Variants in NARS2 observed in about 807,000 individuals in gnomAD.
NARS2 encodes the protein asparaginyl-tRNA synthetase 2, mitochondrial, also known as asparaginyl-tRNA synthetase.
A neutral mutation model predicts 62.9 loss-of-function variants in NARS2; 60 were observed. That is an observed-to-expected ratio of 0.95 (90% CI 0.77 to 1.18). The LOEUF (loss-of-function observed/expected upper bound fraction) is 1.18, where lower values mean the gene tolerates loss of function less well. Among genes scored for constraint, NARS2 ranks in the 50% most tolerant of loss-of-function variants. The pLI is 0.00. For missense variants in NARS2, 619 were observed against 576.4 expected (o/e 1.07, Z -0.76); for synonymous variants, 196 against 200.0 (o/e 0.98, Z 0.17).
chr11:78,465,785 G>A, intron 11 of NARS2, 91 bp downstream of exon 11: 5 of 1,375,470 alleles, frequency 3.6e-6, no homozygotes, highest in South Asian at 1.2e-5. Context: ...GAGATAGAGT[G>A]ATAGATGACA....
intron 1 of NARS2, 97 bp downstream of exon 1, chr11:78,574,251 G>C: frequency 6.7e-7 from 1 of 1,497,042 alleles, no homozygotes; most frequent in Non-Finnish European, 9.3e-7. Context: ...CCCTGCTGGC[G>C]GTTGTGTCTG....
chr11:78,498,609 C>G (rs963842959), intron 6 of NARS2, among the ~76,000 whole-genome samples: 2 of 151,882 alleles, frequency 1.3e-5, no homozygotes, highest in South Asian at 2.1e-4. Context: ...ATGTCTCCCC[C>G]CAGCTTCCAC....
intron 5 of NARS2, among the ~76,000 whole-genome samples, chr11:78,542,817 T>C (rs1172071218): frequency 6.6e-6 from 1 of 151,866 alleles, no homozygotes; most frequent in African/African-American, 2.4e-5. Flanking sequence ...GTGGATCACT[T>C]GAGCTCAGGA....
intron 6 of NARS2, among the ~76,000 whole-genome samples, chr11:78,510,867 C>G (rs917065196): frequency 6.6e-6 from 1 of 152,098 alleles, no homozygotes; most frequent in African/African-American, 2.4e-5. Context: ...GGATAAATCT[C>G]AAAAGCATTA....
At chr11:78,447,533 G>A (rs1241165479) in intron 11 of NARS2, among the ~76,000 whole-genome samples, 2 of 151,984 alleles carry the variant, frequency 1.3e-5, no homozygotes, top group Non-Finnish European at 2.9e-5. Context: ...GTATATTGGT[G>A]GTGATATCTG....
chr11:78,566,009 G>T, intron 4 of NARS2, 123 bp downstream of exon 4: 1 of 745,300 alleles, frequency 1.3e-6, no homozygotes, highest in Non-Finnish European at 2.1e-6. Flanking sequence ...CCATAATGAA[G>T]AGACCAATCA....
chr11:78,496,404 T>A (rs777524499), intron 6 of NARS2, among the ~76,000 whole-genome samples: 1 of 152,186 alleles, frequency 6.6e-6, no homozygotes, highest in African/African-American at 2.4e-5. Flanking sequence ...AGTCTACGTA[T>A]GTATTAATAC....
intron 6 of NARS2, among the ~76,000 whole-genome samples, chr11:78,503,087 T>C (rs1860348390): frequency 6.6e-6 from 1 of 151,912 alleles, no homozygotes; most frequent in Non-Finnish European, 1.5e-5. Flanking sequence ...AGAGAGGTGA[T>C]TTCATTCCAT....
intron 9 of NARS2, among the ~76,000 whole-genome samples, chr11:78,474,903 A>G (rs1859022933): frequency 6.6e-6 from 1 of 151,082 alleles, no homozygotes; most frequent in Non-Finnish European, 1.5e-5. Context: ...ATCGTCTCAC[A>G]TGCTTCACTT....
intron 7 of NARS2, among the ~76,000 whole-genome samples, chr11:78,484,487 C>T (rs1257170875): frequency 1.3e-5 from 2 of 151,940 alleles, no homozygotes; most frequent in African/African-American, 2.4e-5. Flanking sequence ...TGCAATCTAC[C>T]CGTCTGACAA....
At chr11:78,499,300 C>A (rs1185661425) in intron 6 of NARS2, among the ~76,000 whole-genome samples, 1 of 151,972 alleles carries the variant, frequency 6.6e-6, no homozygotes, top group Non-Finnish European at 1.5e-5. Context: ...ATATGCTGAT[C>A]CCCAAATTGC....
intron 3 of NARS2, among the ~76,000 whole-genome samples, chr11:78,567,294 A>G (rs993912472): frequency 6.6e-6 from 1 of 152,236 alleles, no homozygotes; most frequent in Non-Finnish European, 1.5e-5. Context: ...ATGGCCAGGT[A>G]GTGTATAAAG....
chr11:78,496,230 C>T (rs545819189), intron 6 of NARS2, among the ~76,000 whole-genome samples: 7 of 152,028 alleles, frequency 4.6e-5, no homozygotes, highest in African/African-American at 1.7e-4. Context: ...ATAATGATCA[C>T]CCTATGTCAG....
At chr11:78,486,154 A>C (rs6592778) in intron 7 of NARS2, among the ~76,000 whole-genome samples, 48,410 of 151,918 alleles carry the variant, frequency 0.32, 9,578 homozygotes, top group African/African-American at 0.55. Context: ...GGATTACAGG[A>C]GTGAGCCACT....
At chr11:78,448,714 C>T (rs1434012254) in intron 11 of NARS2, among the ~76,000 whole-genome samples, 4 of 152,120 alleles carry the variant, frequency 2.6e-5, no homozygotes, top group East Asian at 3.9e-4. Context: ...ATGGAATAAC[C>T]GGAAGGAGGT....
rs1226120347 is a variant in NARS2, at chr11:78,574,775, C to T, written c.-287G>A. On this transcript the variant is annotated 5_prime_UTR_variant, in exon 1 of 14. Transcript: ENST00000281038. Reference sequence around the variant, plus strand: ...AGCTGGGGCGCCCCACTACCCGCGACAATTGTAAACCTACGAACAGAACCC... The same window carrying T: ...AGCTGGGGCGCCCCACTACCCGCGATAATTGTAAACCTACGAACAGAACCC... 2.4e-6 allele frequency: 1 copy of T among 416,472 alleles called. No homozygotes were observed. The highest frequency in any genetic ancestry group is 4.3e-6 in the Non-Finnish European group (1 of 231,804). 25.8% of individuals were successfully genotyped at this position (416,472 alleles called of 1,614,324 possible).
intron 13 of NARS2, among the ~76,000 whole-genome samples, chr11:78,438,709 G>T (rs1241758219): frequency 1.3e-5 from 2 of 152,208 alleles, no homozygotes; most frequent in African/African-American, 4.8e-5. Flanking sequence ...TGGAAGAGAT[G>T]CTACGAAATT....
intron 6 of NARS2, among the ~76,000 whole-genome samples, chr11:78,510,447 C>T (rs1160361183): frequency 1.3e-5 from 2 of 152,048 alleles, no homozygotes; most frequent in Non-Finnish European, 2.9e-5. Flanking sequence ...ACTTACATAC[C>T]TAATGATGGA....
intron 10 of NARS2, among the ~76,000 whole-genome samples, chr11:78,467,939 T>C (rs73504950): frequency 0.034 from 5,221 of 151,514 alleles, 276 homozygotes; most frequent in African/African-American, 0.12. Context: ...TTTAAACTCC[T>C]GGGCTCAAGC....
Sources: gnomAD v4.1 joint callset for allele counts (sites outside exome capture counted in the v4.1 genomes callset) on GRCh38, gnomAD v4.1.1 for gene constraint, MANE v1.5 for transcripts, NCBI Gene and HGNC (gene_info 2026-07-23, HGNC 2026-07-21) for gene names.